Variants in MARS1 observed in about 807,000 individuals in gnomAD.
The protein encoded by MARS1 is methionyl-tRNA synthetase 1.
A neutral mutation model predicts 119.5 loss-of-function variants in MARS1; 80 were observed. The observed-to-expected ratio is 0.67, with a 90% CI of 0.56 to 0.81. The LOEUF is 0.81. MARS1 is among the 30% of genes least tolerant of loss of function. The probability of loss-of-function intolerance (pLI) is 0.00; values close to 1 mark genes in which losing one functional copy is unlikely to be tolerated. For missense variants in MARS1, 945 were observed against 1,116.5 expected, an observed-to-expected ratio of 0.85 and a Z score of 2.19; for synonymous variants, 418 against 433.4, an observed-to-expected ratio of 0.96 and a Z score of 0.44.
chr12:57,489,483 TC>T lies in MARS1; in HGVS notation c.340del (p.Gly115ValfsTer7). The T allele has an allele frequency of 6.2e-7, 1 of 1,614,164 alleles. No individual in the cohort carries two copies. Among genetic ancestry groups the T allele is most frequent in the Non-Finnish European group, 8.5e-7 (1 of 1,180,038 alleles). On this transcript the variant is annotated frameshift_variant, in exon 4 of 21. Coordinates refer to ENST00000262027, the MANE Select transcript of MARS1 (RefSeq NM_004990.4). LOFTEE classifies it high-confidence loss of function. The part of the protein sequence containing the change: ...VVQGKKGEDV[L>X]GSVRRALTHI... Reference sequence around the variant, plus strand: ...TCCAAGGCAAGAAGGGGGAAGATGTTCTTGGTTCAGTGCGGAGAGCCCTGAC... The same window carrying T: ...TCCAAGGCAAGAAGGGGGAAGATGTTTTGGTTCAGTGCGGAGAGCCCTGAC...
chr12:57,493,555 ATATATAATATAT>A lies in MARS1; in HGVS notation c.770+2916_770+2927del, dbSNP rs1876226657. Among the ~76,000 whole-genome samples, 9 of 5,932 alleles carry A rather than the reference ATATATAATATAT, an allele frequency of 1.5e-3. 1 individual carries two copies. Among genetic ancestry groups the A allele is most frequent in the Non-Finnish European group, 2.5e-3 (9 of 3,548 alleles). 3.9% of individuals were successfully genotyped at this position (5,932 alleles called of 152,430 possible). ...AATATATAATATATTATAATATATA[ATATATAATATAT>A]TATAATATATAATATATAATATATT... is the stretch of plus-strand genomic sequence containing the variant. On this transcript the variant is annotated intron_variant, in intron 7 of 20. Transcript: ENST00000262027.
At position 57,514,707 on chromosome 12, in the gene MARS1, A is replaced by G. The variant is rs200331497; in HGVS notation, c.1968-13A>G. On this transcript the variant is annotated splice_polypyrimidine_tract_variant and intron_variant, in intron 15 of 20. Transcript: ENST00000262027. ...CTCTTTTTTCCACTTCTGCTTTCCT[A>G]CTCCCAACCAAGAGCTGGGATGTTT... 1 of 1,613,838 alleles carries G rather than the reference A, an allele frequency of 6.2e-7. No homozygotes were observed. The highest frequency in any genetic ancestry group is 2.2e-5 in the East Asian group (1 of 44,884).
intron 10 of MARS1, among the ~76,000 whole-genome samples, chr12:57,503,416 A>AGGG (rs1437552808): frequency 6.6e-6 from 1 of 152,036 alleles, no homozygotes; most frequent in Non-Finnish European, 1.5e-5. Flanking sequence ...TATTTTTAGT[A>AGGG]GAGACGAGGT....
At position 57,493,870 on chromosome 12, in the gene MARS1, ATATATATAATATATAATATATATTTATGT is replaced by A. The variant is rs1876404794; in HGVS notation, c.770+3233_770+3261del. Among the ~76,000 whole-genome samples the A allele has an allele frequency of 7.5e-4, 3 of 4,024 alleles. 1 individual carries two copies. In the Non-Finnish European group the frequency reaches 0.052, roughly 69 times the overall value. The allele number at this position is 4,024 out of a possible 152,430, so 2.6% of individuals were successfully genotyped here. A position where few individuals can be genotyped will look rare whatever the true frequency, so the allele number is the denominator to read the frequency against. ...ATAATATATATATTTATATTATATA[ATATATATAATATATAATATATATTTATGT>A]TATATAATATATATAATATATATAA... On this transcript the variant is annotated intron_variant, in intron 7 of 20. Transcript: ENST00000262027.
At chr12:57,496,395 C>A (rs1876635937) in intron 7 of MARS1, among the ~76,000 whole-genome samples, 1 of 151,792 alleles carries the variant, frequency 6.6e-6, no homozygotes, top group African/African-American at 2.4e-5. Context: ...TGAGCTCCGA[C>A]CTCGTGATCC....
At chr12:57,515,445 T>C (rs1300472740) in intron 18 of MARS1, 109 bp downstream of exon 18, 1 of 1,070,670 alleles carries the variant, frequency 9.3e-7, no homozygotes, top group East Asian at 2.6e-5. Context: ...GTCATGGGAC[T>C]CCTAAGTTTC....
At chr12:57,505,793 C>T (rs1565647263) in intron 11 of MARS1, among the ~76,000 whole-genome samples, 2 of 151,818 alleles carry the variant, frequency 1.3e-5, no homozygotes, top group Non-Finnish European at 2.9e-5. Context: ...GCCTGGGCAA[C>T]AGAGTGAGAC....
chr12:57,501,251 G>C (rs1243775990), intron 10 of MARS1, among the ~76,000 whole-genome samples: 3 of 152,232 alleles, frequency 2.0e-5, no homozygotes, highest in African/African-American at 7.2e-5. Flanking sequence ...TGAGGAGGAG[G>C]GTAGACTGAG....
At chr12:57,490,069 AC>A (rs113263363) in intron 5 of MARS1, 98 bp downstream of exon 5, 8 of 1,443,600 alleles carry the variant, frequency 5.5e-6, no homozygotes, top group African/African-American at 2.8e-5. Context: ...GTACAGCTTG[AC>A]TGGGCAACTA....
At chr12:57,516,053 C>T in intron 19 of MARS1, 62 bp downstream of exon 19, 2 of 1,532,900 alleles carry the variant, frequency 1.3e-6, no homozygotes, top group Non-Finnish European at 1.8e-6. Context: ...TCCCTAATTT[C>T]CCTAAGTAGT....
chr12:57,516,411 C>T (rs751879766), intron 20 of MARS1, 24 bp from the exon 21 acceptor site: 1 of 1,611,802 alleles, frequency 6.2e-7, no homozygotes, highest in Non-Finnish European at 8.5e-7. Context: ...CTCACTGTTA[C>T]CTCCCCACCC....
At chr12:57,498,696 C>T in intron 9 of MARS1, 73 bp downstream of exon 9, 2 of 1,435,684 alleles carry the variant, frequency 1.4e-6, no homozygotes, top group East Asian at 4.5e-5. Flanking sequence ...ATCTTGGAGA[C>T]AGAAGGAACC....
At chr12:57,494,328 C>CTTT (rs71448526) in intron 7 of MARS1, among the ~76,000 whole-genome samples, 8 of 121,224 alleles carry the variant, frequency 6.6e-5, no homozygotes, top group African/African-American at 9.8e-5. Flanking sequence ...TCTTTTTTTT[C>CTTT]TTTTTTTTTT....
chr12:57,511,227 T>A (rs984941066), intron 11 of MARS1, among the ~76,000 whole-genome samples: 10 of 152,150 alleles, frequency 6.6e-5, no homozygotes, highest in African/African-American at 2.4e-4. Flanking sequence ...GTGATCCTCC[T>A]GCGTCAGCCT....
chr12:57,495,154 G>T (rs971688945), intron 7 of MARS1, among the ~76,000 whole-genome samples: 1 of 150,868 alleles, frequency 6.6e-6, no homozygotes, highest in African/African-American at 2.4e-5. Context: ...CTCCCGGATG[G>T]GGTGGCTGCC....
chr12:57,491,237 G>GACAC (rs1381001789), intron 7 of MARS1, among the ~76,000 whole-genome samples: 1 of 152,036 alleles, frequency 6.6e-6, no homozygotes, highest in Non-Finnish European at 1.5e-5. Flanking sequence ...TTCCAGTCCA[G>GACAC]ATCTGTATTC....
At chr12:57,493,745 A>G (rs1226938715) in intron 7 of MARS1, among the ~76,000 whole-genome samples, 2 of 4,294 alleles carry the variant, frequency 4.7e-4, no homozygotes, top group African/African-American at 1.2e-3. Context: ...AATATATATT[A>G]TATACATTAT....
At chr12:57,493,507 A>C (rs1421901496) in intron 7 of MARS1, among the ~76,000 whole-genome samples, 1 of 2,622 alleles carries the variant, frequency 3.8e-4, no homozygotes, top group Non-Finnish European at 8.2e-4. Context: ...ATAATATATA[A>C]TATATAATAT....
chr12:57,502,862 C>T (rs1039698854), intron 10 of MARS1, among the ~76,000 whole-genome samples: 8 of 151,680 alleles, frequency 5.3e-5, no homozygotes, highest in African/African-American at 1.9e-4. Flanking sequence ...TCCATCTCTA[C>T]TAAAAATACA....
Sources: gnomAD v4.1 joint callset for allele counts (sites outside exome capture counted in the v4.1 genomes callset) on GRCh38, gnomAD v4.1.1 for gene constraint, MANE v1.5 for transcripts, NCBI Gene and HGNC (gene_info 2026-07-23, HGNC 2026-07-21) for gene names.